Variants in LYZL1 observed in about 807,000 individuals in gnomAD.
The protein encoded by LYZL1 is lysozyme like 1, also known as lysozyme-like protein 1.
Under a neutral mutation model 17.9 loss-of-function variants are expected in LYZL1, and 16 were observed. The ratio of observed to expected loss-of-function variants is 0.90; its 90% confidence interval spans 0.61 to 1.36. LYZL1 has a LOEUF of 1.36. LYZL1 is among the 40% of genes most tolerant of loss of function. The probability of loss-of-function intolerance (pLI) is 0.00; values close to 1 mark genes in which losing one functional copy is unlikely to be tolerated. For synonymous variants in LYZL1, 58 were observed against 71.8 expected (o/e 0.81, Z 0.97); for missense variants, 149 against 188.4 (o/e 0.79, Z 1.22).
chr10:29,311,327 C>G, downstream of LYZL1: 1 of 1,098,588 alleles, frequency 9.1e-7, no homozygotes, highest in East Asian at 4.3e-5. Context: ...AAGCTCCCTT[C>G]TTCATTGTAG....
chr10:29,306,008 A>G (rs1225318005), intron 3 of LYZL1, among the ~76,000 whole-genome samples: 3 of 152,246 alleles, frequency 2.0e-5, no homozygotes, highest in Non-Finnish European at 4.4e-5. Context: ...CTGGTATCAA[A>G]AATAGTGCAT....
intron 1 of LYZL1, among the ~76,000 whole-genome samples, chr10:29,289,633 A>G (rs1835334495): frequency 6.6e-6 from 1 of 151,828 alleles, no homozygotes; most frequent in South Asian, 2.1e-4. Flanking sequence ...TGCCCAGGCT[A>G]GTCTCAAACT....
chr10:29,304,094 A>G (rs1835557755), intron 3 of LYZL1, among the ~76,000 whole-genome samples: 1 of 152,040 alleles, frequency 6.6e-6, no homozygotes, highest in African/African-American at 2.4e-5. Flanking sequence ...CAGTCTCCTC[A>G]CTCTCATTCC....
chr10:29,303,995 A>C (rs1332774875), intron 3 of LYZL1, among the ~76,000 whole-genome samples: 1 of 152,192 alleles, frequency 6.6e-6, no homozygotes, highest in Non-Finnish European at 1.5e-5. Context: ...TCCTGGGCTC[A>C]AGCGATCCTC....
chr10:29,301,142 G>A (rs921433479), intron 3 of LYZL1, among the ~76,000 whole-genome samples: 9 of 152,116 alleles, frequency 5.9e-5, no homozygotes, highest in Non-Finnish European at 2.9e-5. Context: ...TTCCGGCACT[G>A]TTCTCTTGAT....
chr10:29,312,658 C>G (rs1564394928), downstream of LYZL1, among the ~76,000 whole-genome samples: 1 of 152,170 alleles, frequency 6.6e-6, no homozygotes, highest in African/African-American at 2.4e-5. Context: ...AGCTGAGCAT[C>G]TCAGACCCCA....
At chr10:29,290,842 A>AAATAAATG (rs1554782194) in intron 1 of LYZL1, among the ~76,000 whole-genome samples, 1 of 99,074 alleles carries the variant, frequency 1.0e-5, no homozygotes, top group Non-Finnish European at 2.2e-5. Context: ...CCATCTCAAA[A>AAATAAATG]AATAAATAAA....
At chr10:29,307,908 G>C (rs557434504) in intron 3 of LYZL1, among the ~76,000 whole-genome samples, 1 of 152,118 alleles carries the variant, frequency 6.6e-6, no homozygotes, top group African/African-American at 2.4e-5. Flanking sequence ...TGCTATGTTG[G>C]TTTCCTAAGA....
chr10:29,311,232 C>G lies in LYZL1; in HGVS notation c.*173C>G. The G allele has an allele frequency of 6.6e-7, 1 of 1,506,568 alleles. No homozygotes were observed. The allele number at this position is 1,506,568 out of a possible 1,614,324, so 93.3% of individuals were successfully genotyped here. ...ATATTTCCATTTAAATGTCTTCACC[C>G]CGTCTCAGTTCCAATGATGTCATAA... On this transcript the variant is annotated 3_prime_UTR_variant, in exon 5 of 5. Coordinates refer to ENST00000649382, the MANE Select transcript of LYZL1 (RefSeq NM_032517.6).
At chr10:29,317,714 A>G (rs1835748175) in intron 4 of LYZL1, among the ~76,000 whole-genome samples, 1 of 152,190 alleles carries the variant, frequency 6.6e-6, no homozygotes. Context: ...ATGCACAGCC[A>G]TGGTAAGGAC....
At chr10:29,308,052 G>A (rs1302029181) in intron 3 of LYZL1, among the ~76,000 whole-genome samples, 2 of 152,156 alleles carry the variant, frequency 1.3e-5, no homozygotes, top group African/African-American at 2.4e-5. Flanking sequence ...AAACCTTTGA[G>A]TAATTGACAA....
At chr10:29,291,698 G>A (rs529448715) in intron 1 of LYZL1, 145 bp from the exon 2 acceptor site, 40 of 1,049,472 alleles carry the variant, frequency 3.8e-5, no homozygotes, top group African/African-American at 2.6e-4. Context: ...TCCCTGGACC[G>A]TAGAGTGGCC....
chr10:29,299,658 G>A (rs1047043888), intron 3 of LYZL1, among the ~76,000 whole-genome samples: 18 of 152,118 alleles, frequency 1.2e-4, no homozygotes, highest in African/African-American at 4.1e-4. Context: ...TGACCCTTTT[G>A]TCACTGGAGT....
In LYZL1 at chr10:29,311,174, A is replaced by C; in HGVS notation, c.*115A>C. 1 of 1,602,664 alleles carries C rather than the reference A, an allele frequency of 6.2e-7. No homozygotes were observed. ...CCAATATTCCTTCTCAAACTTGGAG[A>C]GGGAAAATTAAGCTATACTTTTAAG... On this transcript the variant is annotated 3_prime_UTR_variant, in exon 5 of 5. Coordinates refer to ENST00000649382, the MANE Select transcript of LYZL1 (RefSeq NM_032517.6).
intron 3 of LYZL1, among the ~76,000 whole-genome samples, chr10:29,296,170 A>T (rs2132819285): frequency 6.6e-6 from 1 of 152,310 alleles, no homozygotes; most frequent in East Asian, 1.9e-4. Flanking sequence ...TACCAAAGGG[A>T]TTCGAGAATC....
At chr10:29,316,015 C>T (rs1040486627), downstream of LYZL1, among the ~76,000 whole-genome samples, 1 of 152,130 alleles carries the variant, frequency 6.6e-6, no homozygotes, top group Non-Finnish European at 1.5e-5. Flanking sequence ...ACATCGCCAT[C>T]CCCCAGCGCT....
At chr10:29,300,266 C>T (rs1835499470) in intron 3 of LYZL1, among the ~76,000 whole-genome samples, 1 of 151,882 alleles carries the variant, frequency 6.6e-6, no homozygotes, top group Non-Finnish European at 1.5e-5. Context: ...TATTCTCTTT[C>T]ATTTCCTCCA....
chr10:29,311,403 G>A (rs1482769969), downstream of LYZL1, among the ~76,000 whole-genome samples: 1 of 151,828 alleles, frequency 6.6e-6, no homozygotes, highest in Non-Finnish European at 1.5e-5. Context: ...TCATCTTCAG[G>A]GCCATCCTCA....
chr10:29,291,053 T>A (rs975951472), intron 1 of LYZL1, among the ~76,000 whole-genome samples: 1 of 152,150 alleles, frequency 6.6e-6, no homozygotes, highest in Non-Finnish European at 1.5e-5. Flanking sequence ...CAGTTGATCC[T>A]TGAACAAATG....
Sources: gnomAD v4.1 joint callset for allele counts (sites outside exome capture counted in the v4.1 genomes callset) on GRCh38, gnomAD v4.1.1 for gene constraint, MANE v1.5 for transcripts, NCBI Gene and HGNC (gene_info 2026-07-23, HGNC 2026-07-21) for gene names.